EPHA6: variants seen among roughly 807,000 people sequenced by gnomAD.
The protein encoded by EPHA6 is ephrin type-A receptor 6.
In EPHA6, 50 loss-of-function variants were observed where a neutral mutation model predicts 112.0. The observed-to-expected ratio is 0.45, with a 90% CI of 0.36 to 0.56. The LOEUF (loss-of-function observed/expected upper bound fraction) is 0.56, where lower values mean the gene tolerates loss of function less well. Ranked by LOEUF, EPHA6 falls within the 20% of genes least tolerant of loss-of-function variation. The pLI is 0.00. For synonymous variants in EPHA6, 529 were observed against 490.7 expected, an observed-to-expected ratio of 1.08 and a Z score of -1.03; for missense variants, 1,280 against 1,417.4, an observed-to-expected ratio of 0.90 and a Z score of 1.56.
chr3:97,354,880 CA>C (rs1236370028), intron 5 of EPHA6, among the ~76,000 whole-genome samples: 2 of 152,028 alleles, frequency 1.3e-5, no homozygotes, highest in African/African-American at 4.8e-5. Context: ...AAATAACATA[CA>C]AAGGTGCTCC....
intron 10 of EPHA6, among the ~76,000 whole-genome samples, chr3:97,528,068 G>T (rs973410999): frequency 2.6e-5 from 4 of 151,928 alleles, no homozygotes; most frequent in Admixed American, 6.6e-5. Context: ...AGCTATAATT[G>T]GTTTCTTAAA....
At chr3:97,092,730 A>C (rs1326162662) in intron 3 of EPHA6, among the ~76,000 whole-genome samples, 1 of 152,046 alleles carries the variant, frequency 6.6e-6, no homozygotes. Flanking sequence ...TTGTATTTAG[A>C]CCCATCCAGG....
intron 6 of EPHA6, among the ~76,000 whole-genome samples, chr3:97,440,817 A>G (rs1303554545): frequency 7.9e-5 from 12 of 151,768 alleles, no homozygotes; most frequent in Admixed American, 7.2e-4. Flanking sequence ...GATTGATCAA[A>G]TAAACAAGCT....
At chr3:97,332,834 C>T (rs1378655327) in intron 5 of EPHA6, among the ~76,000 whole-genome samples, 1 of 152,022 alleles carries the variant, frequency 6.6e-6, no homozygotes, top group Admixed American at 6.6e-5. Flanking sequence ...TCTATAGTCC[C>T]TTCAATACTA....
intron 6 of EPHA6, among the ~76,000 whole-genome samples, chr3:97,410,099 A>T (rs1357713030): frequency 6.6e-6 from 1 of 152,096 alleles, no homozygotes; most frequent in East Asian, 1.9e-4. Flanking sequence ...AGCCTCTTTT[A>T]AAAGAAGGTT....
chr3:96,871,198 T>C (rs2036605175), intron 2 of EPHA6, among the ~76,000 whole-genome samples: 1 of 152,074 alleles, frequency 6.6e-6, no homozygotes, highest in Non-Finnish European at 1.5e-5. Flanking sequence ...TAATCAATTC[T>C]ATCAGTGTAC....
At chr3:97,092,303 G>T (rs2047096779) in intron 3 of EPHA6, among the ~76,000 whole-genome samples, 1 of 151,904 alleles carries the variant, frequency 6.6e-6, no homozygotes, top group Non-Finnish European at 1.5e-5. Context: ...CATAGAGAAG[G>T]TTGGAACGAG....
intron 2 of EPHA6, among the ~76,000 whole-genome samples, chr3:96,956,518 C>A (rs2041765857): frequency 6.6e-6 from 1 of 152,062 alleles, no homozygotes. Flanking sequence ...AAGGTTATGA[C>A]TTTGGAATAA....
Position 97,008,382 on chromosome 3 carries a change from C to A in EPHA6, c.1114+20389C>A, listed in dbSNP as rs2043962659. Among the ~76,000 whole-genome samples, 3 of 152,272 alleles carry A rather than the reference C, an allele frequency of 2.0e-5. No homozygotes were observed. In the South Asian group the frequency reaches 6.2e-4, roughly 32 times the overall value. On this transcript the variant is annotated intron_variant, in intron 3 of 17. Coordinates refer to ENST00000389672, the MANE Select transcript of EPHA6 (RefSeq NM_001080448.3). ...TCTTCAAACTCTGATAACCTTTCTT[C>A]CGCTGGGTCGATTTGGCTGTTGATA...
intron 6 of EPHA6, among the ~76,000 whole-genome samples, chr3:97,408,758 GATCACCTA>G (rs367591578): frequency 4.9e-4 from 75 of 151,940 alleles, no homozygotes; most frequent in African/African-American, 1.5e-3. Flanking sequence ...CTCCACCCCT[GATCACCTA>G]ATCACCTAAT....
chr3:96,845,546 A>C (rs1043145948), intron 1 of EPHA6, among the ~76,000 whole-genome samples: 1 of 151,986 alleles, frequency 6.6e-6, no homozygotes, highest in African/African-American at 2.4e-5. Flanking sequence ...GTTTTGTCTT[A>C]GTTCCTTGTT....
At position 97,351,159 on chromosome 3, in the gene EPHA6, G is replaced by A. The variant is rs2083793976; in HGVS notation, c.1607-53991G>A. On this transcript the variant is annotated intron_variant, in intron 5 of 17. Coordinates refer to ENST00000389672, the MANE Select transcript of EPHA6 (RefSeq NM_001080448.3). Reference sequence around the variant, plus strand: ...TCCATCCTTGTGTTCACGCCAAAGTGCAATTTGTCGATTGAAAGATATTAG... The same window carrying A: ...TCCATCCTTGTGTTCACGCCAAAGTACAATTTGTCGATTGAAAGATATTAG... Among the ~76,000 whole-genome samples, 3 of 152,298 alleles carry A rather than the reference G, an allele frequency of 2.0e-5. No individual in the cohort carries two copies. The South Asian group carries it at 6.2e-4, about 32-fold the overall frequency.
At chr3:97,424,630 C>G (rs548579349) in intron 6 of EPHA6, among the ~76,000 whole-genome samples, 1 of 151,756 alleles carries the variant, frequency 6.6e-6, no homozygotes, top group East Asian at 2.0e-4. Flanking sequence ...ATAGTGAAAC[C>G]CCATCTCTAC....
intron 5 of EPHA6, among the ~76,000 whole-genome samples, chr3:97,252,461 T>C (rs1317252070): frequency 6.6e-6 from 1 of 152,072 alleles, no homozygotes; most frequent in African/African-American, 2.4e-5. Flanking sequence ...ACCCACACGA[T>C]GCTCCAGGGT....
chr3:97,392,363 A>G (rs1303236101), intron 5 of EPHA6, among the ~76,000 whole-genome samples: 3 of 151,660 alleles, frequency 2.0e-5, no homozygotes, highest in African/African-American at 7.3e-5. Flanking sequence ...CTCTTCTTAC[A>G]TGTAGTTTCA....
intron 5 of EPHA6, among the ~76,000 whole-genome samples, chr3:97,274,581 G>C (rs2080004318): frequency 6.6e-6 from 1 of 152,164 alleles, no homozygotes; most frequent in African/African-American, 2.4e-5. Flanking sequence ...GCAAGAGTGA[G>C]GGCTTGAGTT....
chr3:97,617,114 TG>T (rs1285617261), intron 13 of EPHA6, among the ~76,000 whole-genome samples: 1 of 151,890 alleles, frequency 6.6e-6, no homozygotes, highest in Non-Finnish European at 1.5e-5. Flanking sequence ...CACAAGACAT[TG>T]GGGGCATTCA....
chr3:97,403,587 C>T (rs1161435586), intron 5 of EPHA6, among the ~76,000 whole-genome samples: 1 of 152,200 alleles, frequency 6.6e-6, no homozygotes, highest in Non-Finnish European at 1.5e-5. Context: ...GCTGGGATTA[C>T]AGGCGCCTGC....
intron 13 of EPHA6, among the ~76,000 whole-genome samples, chr3:97,631,596 G>A (rs2093903157): frequency 6.6e-6 from 1 of 151,696 alleles, no homozygotes; most frequent in Admixed American, 6.6e-5. Context: ...TCTTTTTTTA[G>A]CTTAAATTGT....
Sources: allele counts gnomAD v4.1 joint callset (sites outside exome capture counted in the v4.1 genomes callset), GRCh38; gene constraint gnomAD v4.1.1; transcripts MANE v1.5; gene names NCBI Gene and HGNC (gene_info 2026-07-23, HGNC 2026-07-21).